POFUT3: variants seen among roughly 807,000 people sequenced by gnomAD.
The protein encoded by POFUT3 is protein O-fucosyltransferase 3, also known as GDP-fucose protein O-fucosyltransferase 3.
the POFUT3 span, among the ~76,000 whole-genome samples, chr8:33,311,983 T>A: frequency 6.6e-6 from 1 of 152,052 alleles, no homozygotes; most frequent in Non-Finnish European, 1.5e-5. Context: ...AGAGAGAAAT[T>A]TGGCCAGGCA....
the POFUT3 span, among the ~76,000 whole-genome samples, chr8:33,403,155 G>A: frequency 2.6e-5 from 4 of 152,022 alleles, no homozygotes; most frequent in Admixed American, 2.0e-4. Context: ...AGAAGGAAAG[G>A]GGGTAGAAAG....
the POFUT3 span, among the ~76,000 whole-genome samples, chr8:33,314,948 G>A: frequency 1.2e-4 from 18 of 152,116 alleles, no homozygotes; most frequent in African/African-American, 3.9e-4. Context: ...TGCACAAATT[G>A]TAATGTTCAT....
chr8:33,407,808 G>C, the POFUT3 span, among the ~76,000 whole-genome samples: 2,871 of 151,552 alleles, frequency 0.019, 97 homozygotes, highest in African/African-American at 0.066. Context: ...TTTGAGACCA[G>C]CCTGGGCAAC....
the POFUT3 span, among the ~76,000 whole-genome samples, chr8:33,355,795 A>G: frequency 9.2e-5 from 14 of 152,016 alleles, no homozygotes; most frequent in Non-Finnish European, 1.5e-5. Context: ...AGCATTAGGT[A>G]TATCTCCTAA....
At chr8:33,460,285 G>A in the POFUT3 span, among the ~76,000 whole-genome samples, 1 of 152,106 alleles carries the variant, frequency 6.6e-6, no homozygotes, top group Non-Finnish European at 1.5e-5. Context: ...GCCCAGGGAG[G>A]TCGAGGCTGC....
chr8:33,432,852 C>G, the POFUT3 span, among the ~76,000 whole-genome samples: 1 of 152,080 alleles, frequency 6.6e-6, no homozygotes, highest in Non-Finnish European at 1.5e-5. Context: ...GATAAAATAA[C>G]CAAGGTCTAA....
chr8:33,356,316 C>T, the POFUT3 span, among the ~76,000 whole-genome samples: 1 of 152,222 alleles, frequency 6.6e-6, no homozygotes, highest in Non-Finnish European at 1.5e-5. Flanking sequence ...TATTTCTCCA[C>T]ATCCTCTCCA....
At chr8:33,406,795 G>A in the POFUT3 span, among the ~76,000 whole-genome samples, 1 of 151,930 alleles carries the variant, frequency 6.6e-6, no homozygotes, top group Non-Finnish European at 1.5e-5. Flanking sequence ...AAACTCCTGG[G>A]TTCAAGCAAT....
At chr8:33,323,315 G>C in the POFUT3 span, among the ~76,000 whole-genome samples, 1 of 152,100 alleles carries the variant, frequency 6.6e-6, no homozygotes, top group Non-Finnish European at 1.5e-5. Context: ...CCTTATTTTC[G>C]ACCAAAGTTC....
chr8:33,341,757 A>T, the POFUT3 span, among the ~76,000 whole-genome samples: 1 of 152,306 alleles, frequency 6.6e-6, no homozygotes, highest in South Asian at 2.1e-4. Flanking sequence ...TTGAAAACAG[A>T]AAAACAATAA....
the POFUT3 span, among the ~76,000 whole-genome samples, chr8:33,335,151 A>ATGTGTGTGTGTG: frequency 0.045 from 6,585 of 145,800 alleles, 158 homozygotes; most frequent in South Asian, 0.094. Context: ...AAAGAAATAT[A>ATGTGTGTGTGTG]TGTGTGTGTG....
chr8:33,380,037 TACG>T, the POFUT3 span, among the ~76,000 whole-genome samples: 1 of 70,662 alleles, frequency 1.4e-5, no homozygotes, highest in African/African-American at 7.3e-5. Flanking sequence ...ACTATATATA[TACG>T]ATATATATAC....
chr8:33,469,297 C>T, the POFUT3 span, among the ~76,000 whole-genome samples: 1 of 152,150 alleles, frequency 6.6e-6, no homozygotes, highest in Non-Finnish European at 1.5e-5. Context: ...CAGAGCAAGA[C>T]TCTGTCTCGA....
the POFUT3 span, among the ~76,000 whole-genome samples, chr8:33,445,460 A>G: frequency 6.6e-6 from 1 of 152,230 alleles, no homozygotes; most frequent in Non-Finnish European, 1.5e-5. Flanking sequence ...ACTCCTGAGA[A>G]TGGGTCATAG....
the POFUT3 span, among the ~76,000 whole-genome samples, chr8:33,379,851 A>T: frequency 2.3e-4 from 28 of 121,012 alleles, no homozygotes; most frequent in Middle Eastern, 3.9e-3. Context: ...AAAAAAATAT[A>T]TATATATATA....
chr8:33,334,754 C>A, the POFUT3 span, among the ~76,000 whole-genome samples: 1 of 152,190 alleles, frequency 6.6e-6, no homozygotes, highest in East Asian at 1.9e-4. Flanking sequence ...CTGTTTACTT[C>A]GCTGCTTTCT....
At chr8:33,460,214 C>T in the POFUT3 span, among the ~76,000 whole-genome samples, 1 of 151,286 alleles carries the variant, frequency 6.6e-6, no homozygotes, top group African/African-American at 2.4e-5. Flanking sequence ...ATTAGCCAGG[C>T]ACCATGGCAC....
At chr8:33,396,147 G>T in the POFUT3 span, among the ~76,000 whole-genome samples, 7 of 152,084 alleles carry the variant, frequency 4.6e-5, no homozygotes, top group African/African-American at 1.4e-4. Flanking sequence ...GTTCTTGCCC[G>T]GTTAACTCAC....
chr8:33,453,999 T>C, the POFUT3 span, among the ~76,000 whole-genome samples: 1 of 152,052 alleles, frequency 6.6e-6, no homozygotes, highest in Non-Finnish European at 1.5e-5. Context: ...TGGTGATGCA[T>C]GCCTGTAATC....
Sources: gnomAD v4.1 joint callset for allele counts (sites outside exome capture counted in the v4.1 genomes callset) on GRCh38, gnomAD v4.1.1 for gene constraint, MANE v1.5 for transcripts, NCBI Gene and HGNC (gene_info 2026-07-23, HGNC 2026-07-21) for gene names.